Variants in RBMS3 observed in about 807,000 individuals in gnomAD.
The protein encoded by RBMS3 is RNA binding motif single stranded interacting protein 3, also known as RNA-binding motif, single-stranded-interacting protein 3.
Under a neutral mutation model 66.8 loss-of-function variants are expected in RBMS3, and 27 were observed. The ratio of observed to expected loss-of-function variants is 0.40; its 90% CI spans 0.30 to 0.56. The LOEUF (loss-of-function observed/expected upper bound fraction) is 0.56. Among genes scored for constraint, RBMS3 ranks in the 20% least tolerant of loss-of-function variants. The pLI, the probability that RBMS3 is intolerant of heterozygous loss-of-function variation, is 0.40. For missense variants in RBMS3, 513 were observed against 549.5 expected (o/e 0.93, Z 0.66); for synonymous variants, 188 against 183.0 (o/e 1.03, Z -0.22).
intron 10 of RBMS3, among the ~76,000 whole-genome samples, chr3:29,914,483 A>G (rs962420013): frequency 4.0e-5 from 6 of 151,896 alleles, no homozygotes; most frequent in African/African-American, 1.4e-4. Flanking sequence ...AGTAATTACC[A>G]TGCTTGATCT....
chr3:29,790,928 T>C (rs1166505551), intron 6 of RBMS3, among the ~76,000 whole-genome samples: 1 of 152,218 alleles, frequency 6.6e-6, no homozygotes, highest in African/African-American at 2.4e-5. Context: ...CCCCTGATAC[T>C]GCACTCTGCA....
intron 6 of RBMS3, among the ~76,000 whole-genome samples, chr3:29,783,452 CT>C (rs2056711422): frequency 6.6e-6 from 1 of 151,992 alleles, no homozygotes; most frequent in Middle Eastern, 3.2e-3. Context: ...CAAAATTAAG[CT>C]TTGTAAATGA....
At chr3:29,323,908 G>A (rs566528210) in intron 1 of RBMS3, among the ~76,000 whole-genome samples, 3 of 151,084 alleles carry the variant, frequency 2.0e-5, no homozygotes, top group Non-Finnish European at 4.4e-5. Flanking sequence ...CACTGATAAA[G>A]CCAATAAAAT....
Position 29,517,275 on chromosome 3 carries a change from G to A in RBMS3, c.307+28776G>A, listed in dbSNP as rs1028188241. ...GTATGTGAGGTGATTTCATATATGT[G>A]TGTGTGTGTGTGTGTGTGTGTGTGT... On this transcript the variant is annotated intron_variant, in intron 3 of 14. Coordinates refer to ENST00000383767, the MANE Select transcript of RBMS3 (RefSeq NM_001003793.3). Among the ~76,000 whole-genome samples the A allele has an allele frequency of 6.8e-4, 33 of 48,214 alleles. 1 individual carries two copies. The East Asian group carries it at 0.016, about 23-fold the overall frequency. 31.6% of individuals were successfully genotyped at this position (48,214 alleles called of 152,430 possible).
At chr3:29,626,191 A>C (rs1307881948) in intron 4 of RBMS3, among the ~76,000 whole-genome samples, 1 of 152,230 alleles carries the variant, frequency 6.6e-6, no homozygotes, top group African/African-American at 2.4e-5. Flanking sequence ...GCACTAGCTG[A>C]TAATTTGTTC....
chr3:29,632,202 C>T (rs1039116656), intron 4 of RBMS3, among the ~76,000 whole-genome samples: 2 of 151,864 alleles, frequency 1.3e-5, no homozygotes, highest in South Asian at 4.1e-4. Flanking sequence ...CAGATGCAGG[C>T]ACAGATGATT....
intron 1 of RBMS3, among the ~76,000 whole-genome samples, chr3:29,424,957 A>G (rs1386216919): frequency 6.6e-6 from 1 of 152,156 alleles, no homozygotes; most frequent in East Asian, 1.9e-4. Context: ...TCTTTAAGCT[A>G]CATCCATTGT....
At chr3:29,623,104 CAA>C (rs397875682) in intron 4 of RBMS3, among the ~76,000 whole-genome samples, 15 of 83,630 alleles carry the variant, frequency 1.8e-4, no homozygotes, top group Admixed American at 3.2e-4. Flanking sequence ...GACTCCCTCT[CAA>C]AAAAAAAAAA....
chr3:29,838,733 A>AT (rs1196621203), intron 6 of RBMS3, among the ~76,000 whole-genome samples: 12 of 152,202 alleles, frequency 7.9e-5, no homozygotes, highest in African/African-American at 2.9e-4. Context: ...TTTATGCAGC[A>AT]ATAACATTTA....
At chr3:29,515,676 G>A (rs1486244321) in intron 3 of RBMS3, among the ~76,000 whole-genome samples, 3 of 152,196 alleles carry the variant, frequency 2.0e-5, no homozygotes, top group Admixed American at 6.5e-5. Context: ...GAGCAGTAGG[G>A]TGACTCCATC....
intron 6 of RBMS3, among the ~76,000 whole-genome samples, chr3:29,783,707 T>C (rs1399669119): frequency 6.6e-6 from 1 of 152,070 alleles, no homozygotes; most frequent in Non-Finnish European, 1.5e-5. Flanking sequence ...AATACTAACA[T>C]TGAATGTAAG....
chr3:29,653,743 C>T (rs144093138), intron 4 of RBMS3, among the ~76,000 whole-genome samples: 221 of 152,184 alleles, frequency 1.5e-3, no homozygotes, highest in African/African-American at 4.9e-3. Context: ...ATTCCTCCAC[C>T]CCCATTAGCA....
chr3:29,794,305 G>A (rs1386004067), intron 6 of RBMS3, among the ~76,000 whole-genome samples: 2 of 152,164 alleles, frequency 1.3e-5, no homozygotes, highest in Admixed American at 1.3e-4. Flanking sequence ...ACCACATGAT[G>A]GCGGGGCACG....
intron 6 of RBMS3, among the ~76,000 whole-genome samples, chr3:29,785,499 A>G (rs893585713): frequency 2.6e-5 from 4 of 152,114 alleles, no homozygotes; most frequent in African/African-American, 7.2e-5. Flanking sequence ...CAAAAAGAAC[A>G]AATCTGGAGG....
chr3:29,981,384 A>G (rs2371908), intron 12 of RBMS3, among the ~76,000 whole-genome samples: 21,557 of 152,182 alleles, frequency 0.14, 1,784 homozygotes, highest in Middle Eastern at 0.19. Flanking sequence ...AACAGAGACA[A>G]TTGGACTTCC....
intron 12 of RBMS3, among the ~76,000 whole-genome samples, chr3:29,983,245 T>C (rs1308170116): frequency 3.0e-4 from 45 of 150,940 alleles, no homozygotes; most frequent in African/African-American, 9.9e-4. Flanking sequence ...CCCCCTTTTT[T>C]TTTTTTGCTT....
intron 3 of RBMS3, among the ~76,000 whole-genome samples, chr3:29,574,742 A>G (rs1160214262): frequency 1.4e-5 from 2 of 147,088 alleles, no homozygotes; most frequent in Non-Finnish European, 3.0e-5. Flanking sequence ...TGTTTTTTTG[A>G]TTTGAGGTTA....
chr3:29,890,057 C>A (rs1019577251), intron 8 of RBMS3, among the ~76,000 whole-genome samples: 1 of 151,664 alleles, frequency 6.6e-6, no homozygotes, highest in Admixed American at 6.6e-5. Flanking sequence ...AGAAATTTTA[C>A]ATTCAGAAAT....
chr3:29,631,012 T>C (rs2049263378), intron 4 of RBMS3, among the ~76,000 whole-genome samples: 2 of 151,944 alleles, frequency 1.3e-5, no homozygotes, highest in East Asian at 1.9e-4. Flanking sequence ...AGAAAAATAT[T>C]GTTTTTATTC....
Sources: gnomAD v4.1 joint callset for allele counts (sites outside exome capture counted in the v4.1 genomes callset) on GRCh38, gnomAD v4.1.1 for gene constraint, MANE v1.5 for transcripts, NCBI Gene and HGNC (gene_info 2026-07-23, HGNC 2026-07-21) for gene names.